The following GABRA3 variants were observed in gnomAD, a reference collection of about 807,000 sequenced individuals.
The protein encoded by GABRA3 is gamma-aminobutyric acid receptor subunit alpha-3.
Under a neutral mutation model 30.1 loss-of-function variants are expected in GABRA3, and 10 were observed. That is an observed-to-expected ratio of 0.33 (90% CI 0.20 to 0.56). GABRA3 has a LOEUF of 0.56. GABRA3 is among the 20% of genes least tolerant of loss of function. The pLI is 0.89. For missense variants in GABRA3, 233 were observed against 392.0 expected (o/e 0.59, Z 3.42); for synonymous variants, 151 against 146.8 (o/e 1.03, Z -0.21).
chrX:152,403,571 T>TGTGTGTATGTGCACAC (rs771190317), intron 1 of GABRA3, among the ~76,000 whole-genome samples: 2 of 39,734 alleles, frequency 5.0e-5, no homozygotes, highest in Non-Finnish European at 9.7e-5. Context: ...TGTGCACACG[T>TGTGTGTATGTGCACAC]GTGTGTGTGT....
At chrX:152,439,278 G>A (rs1480912620) in intron 1 of GABRA3, among the ~76,000 whole-genome samples, 1 of 110,343 alleles carries the variant, frequency 9.1e-6, no homozygotes, top group Non-Finnish European at 1.9e-5. Flanking sequence ...GATTACAGAC[G>A]CCTGCCACCA....
intron 3 of GABRA3, among the ~76,000 whole-genome samples, chrX:152,328,220 G>GA (rs1940098234): frequency 9.0e-6 from 1 of 110,704 alleles, no homozygotes; most frequent in East Asian, 2.8e-4. Context: ...GCCTACCAAC[G>GA]AAAAAAAGTC....
intron 5 of GABRA3, among the ~76,000 whole-genome samples, chrX:152,241,548 C>T (rs12388915): frequency 1.5e-3 from 158 of 108,226 alleles, no homozygotes; most frequent in African/African-American, 4.5e-3. Context: ...TCGAGCTTCC[C>T]GGCTGCTTTG....
chrX:152,361,566 C>T (rs1468207957), intron 2 of GABRA3, among the ~76,000 whole-genome samples: 2 of 76,154 alleles, frequency 2.6e-5, no homozygotes, highest in African/African-American at 1.1e-4. Context: ...AGTGAGACTC[C>T]ATCTCAAAAA....
intron 2 of GABRA3, among the ~76,000 whole-genome samples, chrX:152,350,792 A>G (rs892255431): frequency 2.7e-5 from 3 of 111,856 alleles, no homozygotes; most frequent in Non-Finnish European, 5.7e-5. Context: ...TATGGAAGCT[A>G]TAACCTTATG....
At chrX:152,312,689 T>C (rs1312018788) in intron 3 of GABRA3, among the ~76,000 whole-genome samples, 2 of 111,363 alleles carry the variant, frequency 1.8e-5, no homozygotes, top group Non-Finnish European at 3.8e-5. Flanking sequence ...AAAATGTAAA[T>C]GGACAGCCTA....
At chrX:152,385,430 C>A (rs894581607) in intron 1 of GABRA3, among the ~76,000 whole-genome samples, 1 of 111,804 alleles carries the variant, frequency 8.9e-6, no homozygotes, top group African/African-American at 3.2e-5. Context: ...CACAATGAAA[C>A]AGAATGAACT....
chrX:152,288,054 C>G (rs1939329085), intron 3 of GABRA3, among the ~76,000 whole-genome samples: 1 of 111,999 alleles, frequency 8.9e-6, no homozygotes, highest in Non-Finnish European at 1.9e-5. Context: ...TTGCATCAAC[C>G]AGAAATCCTT....
intron 3 of GABRA3, among the ~76,000 whole-genome samples, chrX:152,334,001 C>T (rs1940198861): frequency 9.0e-6 from 1 of 111,255 alleles, no homozygotes; most frequent in Non-Finnish European, 1.9e-5. Flanking sequence ...TCAAACCTAT[C>T]ATAAATATAT....
At chrX:152,293,123 G>A (rs146640945) in intron 3 of GABRA3, among the ~76,000 whole-genome samples, 35 of 111,164 alleles carry the variant, frequency 3.1e-4, no homozygotes, top group Admixed American at 1.8e-3. Flanking sequence ...CTTCTGTCTC[G>A]TTGATCTGTC....
chrX:152,182,318 C>T (rs975731031), intron 9 of GABRA3, among the ~76,000 whole-genome samples: 1 of 99,818 alleles, frequency 1.0e-5, no homozygotes, highest in East Asian at 3.2e-4. Flanking sequence ...TATATACACA[C>T]ACACACACAC....
chrX:152,341,470 G>T (rs187103154), intron 3 of GABRA3, among the ~76,000 whole-genome samples: 1 of 109,668 alleles, frequency 9.1e-6, no homozygotes, highest in Non-Finnish European at 1.9e-5. Flanking sequence ...TTCCATAGAG[G>T]TTGTACTAAT....
chrX:152,169,718 A>G (rs1936979755), intron 9 of GABRA3, among the ~76,000 whole-genome samples: 1 of 111,802 alleles, frequency 8.9e-6, no homozygotes, highest in Non-Finnish European at 1.9e-5. Context: ...CTCTAGGGAA[A>G]AGTGGGTATA....
intron 4 of GABRA3, among the ~76,000 whole-genome samples, chrX:152,276,135 C>T (rs1197378620): frequency 9.0e-6 from 1 of 110,914 alleles, no homozygotes; most frequent in East Asian, 2.8e-4. Flanking sequence ...ACACAGCCCA[C>T]AGGAAACTTT....
intron 9 of GABRA3, among the ~76,000 whole-genome samples, chrX:152,176,019 G>T (rs756059174): frequency 1.8e-5 from 2 of 109,293 alleles, no homozygotes; most frequent in Non-Finnish European, 1.9e-5. Context: ...AGCCGAGATT[G>T]CACCACTCTA....
intron 1 of GABRA3, among the ~76,000 whole-genome samples, chrX:152,430,299 A>G (rs1647370045): frequency 8.9e-6 from 1 of 112,146 alleles, no homozygotes; most frequent in African/African-American, 3.2e-5. Context: ...CCACTTACCC[A>G]CTGGGAAACA....
rs1475707036 is a variant in GABRA3, at chrX:152,166,895, T to C, written c.*1333A>G. The C allele has an allele frequency of 9.0e-6, 1 of 110,943 alleles. No individual in the cohort carries two copies. The allele number at this position is 110,943 out of a possible 1,213,427, so 9.1% of individuals were successfully genotyped here. A position where few individuals can be genotyped will look rare whatever the true frequency, so the allele number is the denominator to read the frequency against. On this transcript the variant is annotated 3_prime_UTR_variant, in exon 10 of 10. Transcript: ENST00000370314. ...ACGATAGCTCTTTATTAAAGACACT[T>C]GTAAGGAGCCTAGGCAAATCATTCA...
At chrX:152,357,481 T>C (rs766634993) in intron 2 of GABRA3, among the ~76,000 whole-genome samples, 2 of 111,845 alleles carry the variant, frequency 1.8e-5, no homozygotes, top group Admixed American at 1.9e-4. Context: ...GGGTTGTTTT[T>C]TGCTTGTGAA....
rs1938302095 is a variant in GABRA3 at position 152,239,286 on chromosome X, C to G, written c.552-14441G>C. On this transcript the variant is annotated intron_variant, in intron 5 of 9. Transcript: ENST00000370314. ...CATTCAGGAGCAGGTTGTTCAGTTTCCATGTAGTTGAGAGGCTTTGAGTGA... is the reference window on the plus strand; with the variant it reads ...CATTCAGGAGCAGGTTGTTCAGTTTGCATGTAGTTGAGAGGCTTTGAGTGA... 2.8e-5 allele frequency among the ~76,000 whole-genome samples: 3 copies of G among 106,492 alleles called. No homozygotes were observed. The South Asian group carries it at 1.3e-3, about 46-fold the overall frequency. The allele number at this position is 106,492 out of a possible 115,157, so 92.5% of individuals were successfully genotyped here. A position where few individuals can be genotyped will look rare whatever the true frequency, so the allele number is the denominator to read the frequency against.
Sources: gnomAD v4.1 joint callset for allele counts (sites outside exome capture counted in the v4.1 genomes callset) on GRCh38, gnomAD v4.1.1 for gene constraint, MANE v1.5 for transcripts, NCBI Gene and HGNC (gene_info 2026-07-23, HGNC 2026-07-21) for gene names.